CNTNAP2: variants seen among roughly 807,000 people sequenced by gnomAD.
CNTNAP2 encodes the protein contactin associated protein 2.
A neutral mutation model predicts 155.2 loss-of-function variants in CNTNAP2; 98 were observed. The observed-to-expected ratio is 0.63, with a 90% CI of 0.54 to 0.75. CNTNAP2 has a LOEUF of 0.75. Among genes scored for constraint, CNTNAP2 ranks in the 30% least tolerant of loss-of-function variants. CNTNAP2 has a pLI of 0.00. For synonymous variants in CNTNAP2, 651 were observed against 631.2 expected (o/e 1.03, Z -0.47); for missense variants, 1,727 against 1,688.1 (o/e 1.02, Z -0.40).
chr7:146,979,156 C>G (rs111332249), intron 3 of CNTNAP2, among the ~76,000 whole-genome samples: 3,203 of 152,218 alleles, frequency 0.021, 59 homozygotes, highest in Middle Eastern at 0.071. Context: ...ATCTCCTTAA[C>G]TCTTCTGTTC....
chr7:146,635,352 C>T (rs1287741633), intron 1 of CNTNAP2, among the ~76,000 whole-genome samples: 1 of 152,146 alleles, frequency 6.6e-6, no homozygotes, highest in Non-Finnish European at 1.5e-5. Context: ...TTTTCTCTTA[C>T]AACCAGCCAG....
At chr7:147,561,304 A>T (rs1800060458) in intron 11 of CNTNAP2, among the ~76,000 whole-genome samples, 1 of 152,210 alleles carries the variant, frequency 6.6e-6, no homozygotes, top group South Asian at 2.1e-4. Context: ...AACATATCTT[A>T]GTTTTGTGAA....
chr7:147,188,131 A>G (rs1802605974), intron 8 of CNTNAP2, among the ~76,000 whole-genome samples: 2 of 152,338 alleles, frequency 1.3e-5, no homozygotes, highest in East Asian at 3.9e-4. Flanking sequence ...AGGGCACTAG[A>G]AAGAGGATAC....
chr7:146,319,757 C>T (rs554338222), intron 1 of CNTNAP2, among the ~76,000 whole-genome samples: 1 of 152,176 alleles, frequency 6.6e-6, no homozygotes, highest in African/African-American at 2.4e-5. Flanking sequence ...TTAGTGAAAA[C>T]AGATTTCTGT....
intron 21 of CNTNAP2, among the ~76,000 whole-genome samples, chr7:148,379,307 T>G (rs1282300443): frequency 6.6e-6 from 1 of 151,890 alleles, no homozygotes; most frequent in African/African-American, 2.4e-5. Flanking sequence ...CTAACAAAAA[T>G]CATCTGGTGA....
chr7:147,146,701 G>T (rs1801711489), intron 8 of CNTNAP2: 4 of 152,196 alleles, frequency 2.6e-5, no homozygotes. Context: ...TATAGAAGAA[G>T]TTTAAATTTT....
chr7:146,483,426 G>A (rs751916219), intron 1 of CNTNAP2, among the ~76,000 whole-genome samples: 1 of 148,364 alleles, frequency 6.7e-6, no homozygotes, highest in Non-Finnish European at 1.5e-5. Context: ...AAATAAGTGA[G>A]GGTCAGATAT....
At chr7:147,885,517 C>A (rs187739464) in intron 13 of CNTNAP2, among the ~76,000 whole-genome samples, 41 of 152,240 alleles carry the variant, frequency 2.7e-4, no homozygotes, top group Non-Finnish European at 5.0e-4. Context: ...AACTCCACCC[C>A]CCGCCACCCC....
intron 13 of CNTNAP2, chr7:147,849,910 G>C (rs1157169992): frequency 6.6e-6 from 1 of 152,230 alleles, no homozygotes; most frequent in African/African-American, 2.4e-5. Context: ...TCCCGAATAT[G>C]CCTGATCTCA....
intron 1 of CNTNAP2, among the ~76,000 whole-genome samples, chr7:146,529,796 C>G (rs748497354): frequency 6.6e-6 from 1 of 151,970 alleles, no homozygotes; most frequent in Non-Finnish European, 1.5e-5. Context: ...GAAACCCCGT[C>G]TCTACTAAAA....
chr7:146,909,208 G>A (rs1047226782), intron 3 of CNTNAP2, among the ~76,000 whole-genome samples: 22 of 150,100 alleles, frequency 1.5e-4, no homozygotes, highest in Admixed American at 4.0e-4. Flanking sequence ...ATTCACAGCC[G>A]AATTCTACCA....
chr7:148,339,878 T>C (rs1798197758), intron 21 of CNTNAP2, among the ~76,000 whole-genome samples: 1 of 151,956 alleles, frequency 6.6e-6, no homozygotes, highest in Non-Finnish European at 1.5e-5. Flanking sequence ...AGCGTTTGGG[T>C]TTGCATTCGA....
intron 21 of CNTNAP2, among the ~76,000 whole-genome samples, chr7:148,335,773 A>C (rs1798105359): frequency 6.6e-6 from 1 of 152,176 alleles, no homozygotes; most frequent in Admixed American, 6.5e-5. Context: ...CAATTTGCTA[A>C]ACTTTCTAGA....
intron 15 of CNTNAP2, among the ~76,000 whole-genome samples, chr7:148,049,082 G>C: frequency 6.6e-6 from 1 of 152,030 alleles, no homozygotes; most frequent in Non-Finnish European, 1.5e-5. Context: ...AGGTGTAGTG[G>C]TAGGTGCCTG....
chr7:146,254,613 T>G (rs802525), intron 1 of CNTNAP2, among the ~76,000 whole-genome samples: 33,458 of 152,194 alleles, frequency 0.22, 9,002 homozygotes, highest in African/African-American at 0.64. Context: ...AAATAAAAAT[T>G]AACCAGGTAA....
chr7:148,154,990 T>A (rs572826938), intron 17 of CNTNAP2, among the ~76,000 whole-genome samples: 4 of 151,902 alleles, frequency 2.6e-5, no homozygotes, highest in Admixed American at 2.0e-4. Context: ...CTAGAGAATG[T>A]GTGCCTGCCC....
At chr7:146,897,791 T>A (rs1454582973) in intron 3 of CNTNAP2, among the ~76,000 whole-genome samples, 2 of 152,118 alleles carry the variant, frequency 1.3e-5, no homozygotes, top group Admixed American at 6.6e-5. Flanking sequence ...GTTAGCCTCA[T>A]TTTTTCAAGA....
intron 13 of CNTNAP2, among the ~76,000 whole-genome samples, chr7:147,805,309 GATTA>G (rs1250365973): frequency 6.6e-6 from 1 of 152,072 alleles, no homozygotes; most frequent in African/African-American, 2.4e-5. Flanking sequence ...TATCATTCTT[GATTA>G]ATTAGTTGCA....
At position 146,876,904 on chromosome 7, in the gene CNTNAP2, T is replaced by A. The variant is rs180848049; in HGVS notation, c.402+37000T>A. On this transcript the variant is annotated intron_variant, in intron 3 of 23. Transcript: ENST00000361727. ...TGCATATTGGTTGTTCTAGATTAGA[T>A]AATTAAGTAGACTTAGTGCAAAAAT... 3.9e-3 allele frequency among the ~76,000 whole-genome samples: 601 copies of A among 152,302 alleles called. 2 individuals are homozygous for A. The highest frequency in any genetic ancestry group is 6.0e-3 in the Non-Finnish European group (411 of 68,024).
Sources: gnomAD v4.1 joint callset for allele counts (sites outside exome capture counted in the v4.1 genomes callset) on GRCh38, gnomAD v4.1.1 for gene constraint, MANE v1.5 for transcripts, NCBI Gene and HGNC (gene_info 2026-07-23, HGNC 2026-07-21) for gene names.